Variants in CFAP95 observed in about 807,000 individuals in gnomAD.
CFAP95 encodes cilia and flagella associated protein 95, also known as cilia- and flagella-associated protein 95.
the CFAP95 span, among the ~76,000 whole-genome samples, chr9:69,879,300 G>T: frequency 1.3e-5 from 2 of 152,076 alleles, no homozygotes; most frequent in Admixed American, 1.3e-4. Flanking sequence ...AATTTCCTTT[G>T]GTTAATATTT....
the CFAP95 span, among the ~76,000 whole-genome samples, chr9:69,890,036 T>C: frequency 6.6e-6 from 1 of 152,142 alleles, no homozygotes; most frequent in Non-Finnish European, 1.5e-5. Flanking sequence ...AATTATCCAA[T>C]GTAACAAGTG....
the CFAP95 span, among the ~76,000 whole-genome samples, chr9:69,873,598 C>A: frequency 6.6e-6 from 1 of 152,122 alleles, no homozygotes; most frequent in South Asian, 2.1e-4. Context: ...ATGAATACTG[C>A]TTCTACTGCT....
At chr9:69,841,380 C>A in the CFAP95 span, among the ~76,000 whole-genome samples, 1 of 151,072 alleles carries the variant, frequency 6.6e-6, no homozygotes, top group Non-Finnish European at 1.5e-5. Flanking sequence ...GAAGAATGAC[C>A]CAGCAGGTAA....
chr9:69,886,816 C>T, the CFAP95 span: 1 of 1,595,084 alleles, frequency 6.3e-7, no homozygotes, highest in East Asian at 2.2e-5. Flanking sequence ...TCATTCTTTC[C>T]TCATTGACTT....
chr9:69,887,321 G>A, the CFAP95 span, among the ~76,000 whole-genome samples: 2 of 152,236 alleles, frequency 1.3e-5, no homozygotes, highest in East Asian at 3.9e-4. Context: ...TACAAATTAT[G>A]CAACAGAAAC....
chr9:69,895,146 C>G, the CFAP95 span, among the ~76,000 whole-genome samples: 1 of 152,184 alleles, frequency 6.6e-6, no homozygotes, highest in Non-Finnish European at 1.5e-5. Flanking sequence ...CATTTACAAT[C>G]AGTTAACTTT....
the CFAP95 span, among the ~76,000 whole-genome samples, chr9:69,894,820 G>C: frequency 3.9e-5 from 6 of 152,102 alleles, no homozygotes; most frequent in Admixed American, 6.5e-5. Context: ...CCAGTACTTT[G>C]GAAGGCTGAG....
At chr9:69,869,742 T>TA in the CFAP95 span, among the ~76,000 whole-genome samples, 148,387 of 149,930 alleles carry the variant, frequency 0.99, 73,434 homozygotes, top group Non-Finnish European at 1. Context: ...TTCAAAATAA[T>TA]AAAAAAAAAC....
the CFAP95 span, among the ~76,000 whole-genome samples, chr9:69,874,220 C>T: frequency 1.2e-3 from 175 of 152,110 alleles, no homozygotes; most frequent in African/African-American, 4.0e-3. Context: ...CATTAAATCA[C>T]GATAAACACC....
At chr9:69,848,895 G>A in the CFAP95 span, among the ~76,000 whole-genome samples, 1 of 152,116 alleles carries the variant, frequency 6.6e-6, no homozygotes, top group Non-Finnish European at 1.5e-5. Flanking sequence ...GAAACGCCCC[G>A]GGACCTGTCT....
chr9:69,874,596 TA>T, the CFAP95 span, among the ~76,000 whole-genome samples: 2 of 152,074 alleles, frequency 1.3e-5, no homozygotes, highest in Non-Finnish European at 1.5e-5. Flanking sequence ...GACTCAGGAC[TA>T]AAAAAAACCT....
the CFAP95 span, among the ~76,000 whole-genome samples, chr9:69,824,811 A>G: frequency 6.6e-6 from 1 of 152,204 alleles, no homozygotes; most frequent in Admixed American, 6.5e-5. Flanking sequence ...TGACAAAAAT[A>G]TTGTGACCAG....
the CFAP95 span, among the ~76,000 whole-genome samples, chr9:69,898,675 T>C: frequency 6.6e-6 from 1 of 152,162 alleles, no homozygotes; most frequent in Non-Finnish European, 1.5e-5. Context: ...CAATCCACAG[T>C]CCATGTTAAA....
At chr9:69,857,320 C>T in the CFAP95 span, among the ~76,000 whole-genome samples, 1 of 152,154 alleles carries the variant, frequency 6.6e-6, no homozygotes, top group African/African-American at 2.4e-5. Flanking sequence ...TGCATCCTGG[C>T]ACAGTGCCTC....
At chr9:69,859,626 A>G in the CFAP95 span, among the ~76,000 whole-genome samples, 1 of 152,190 alleles carries the variant, frequency 6.6e-6, no homozygotes, top group African/African-American at 2.4e-5. Flanking sequence ...CCCTGGAGGA[A>G]TCTAGGTGGG....
chr9:69,887,532 T>C, the CFAP95 span, among the ~76,000 whole-genome samples: 1,335 of 152,310 alleles, frequency 8.8e-3, 21 homozygotes, highest in African/African-American at 0.03. Context: ...TTCCTTCACA[T>C]CAACACTAAC....
chr9:69,905,954 G>T, the CFAP95 span: 1 of 1,591,024 alleles, frequency 6.3e-7, no homozygotes, highest in Non-Finnish European at 8.5e-7. Context: ...TCCCCCATAG[G>T]CTTATCCCTG....
the CFAP95 span, among the ~76,000 whole-genome samples, chr9:69,901,729 G>GT: frequency 6.6e-6 from 1 of 152,106 alleles, no homozygotes; most frequent in Admixed American, 6.6e-5. Context: ...GGGTCAAATG[G>GT]TATTTCTAGT....
chr9:69,904,486 C>T, the CFAP95 span, among the ~76,000 whole-genome samples: 1 of 152,176 alleles, frequency 6.6e-6, no homozygotes, highest in South Asian at 2.1e-4. Context: ...GTTTCAGTAT[C>T]CAGTTTTTTC....
Sources: allele counts gnomAD v4.1 joint callset (sites outside exome capture counted in the v4.1 genomes callset), GRCh38; gene constraint gnomAD v4.1.1; transcripts MANE v1.5; gene names NCBI Gene and HGNC (gene_info 2026-07-23, HGNC 2026-07-21).